Variants in PTPRK observed in about 807,000 individuals in gnomAD.
PTPRK encodes the protein protein tyrosine phosphatase receptor type K, also known as receptor-type tyrosine-protein phosphatase kappa.
PTPRK carries 75 observed loss-of-function variants against 178.0 expected under a neutral mutation model. That is an observed-to-expected ratio of 0.42 (90% confidence interval 0.35 to 0.51). The LOEUF is 0.51. Ranked by LOEUF, PTPRK falls within the 20% of genes least tolerant of loss-of-function variation. The probability of loss-of-function intolerance (pLI) is 0.02; values close to 1 mark genes in which losing one functional copy is unlikely to be tolerated. For missense variants in PTPRK, 1,441 were observed against 1,797.8 expected (o/e 0.80, Z 3.59); for synonymous variants, 637 against 620.6 (o/e 1.03, Z -0.39).
intron 3 of PTPRK, among the ~76,000 whole-genome samples, chr6:128,264,968 G>A (rs1818729348): frequency 6.6e-6 from 1 of 152,138 alleles, no homozygotes. Context: ...CTTCTGCCAT[G>A]ATTGTGAGAT....
intron 1 of PTPRK, among the ~76,000 whole-genome samples, chr6:128,475,126 C>T (rs555795838): frequency 2.0e-4 from 30 of 152,132 alleles, no homozygotes; most frequent in Middle Eastern, 6.8e-3. Context: ...CTGCTTGGGC[C>T]GAATCCTGGC....
At chr6:128,260,543 G>C (rs1370807817) in intron 3 of PTPRK, among the ~76,000 whole-genome samples, 1 of 152,156 alleles carries the variant, frequency 6.6e-6, no homozygotes, top group East Asian at 1.9e-4. Context: ...CCAGAAGGCT[G>C]GGATGGAGAT....
At chr6:128,129,392 T>C (rs1583140859) in intron 7 of PTPRK, among the ~76,000 whole-genome samples, 1 of 152,208 alleles carries the variant, frequency 6.6e-6, no homozygotes, top group East Asian at 1.9e-4. Flanking sequence ...TCTGCTGTTA[T>C]TCCATGATAG....
intron 7 of PTPRK, among the ~76,000 whole-genome samples, chr6:128,172,021 A>G (rs1220914467): frequency 6.6e-6 from 1 of 152,008 alleles, no homozygotes; most frequent in Non-Finnish European, 1.5e-5. Context: ...TTTTCACTAC[A>G]CAACTAATAA....
At chr6:128,353,898 G>A (rs1194532113) in intron 2 of PTPRK, among the ~76,000 whole-genome samples, 1 of 152,120 alleles carries the variant, frequency 6.6e-6, no homozygotes, top group Admixed American at 6.6e-5. Context: ...AATAAGATCA[G>A]GTTCTATCAA....
chr6:128,124,041 TG>T (rs1792916745), intron 7 of PTPRK, among the ~76,000 whole-genome samples: 1 of 150,756 alleles, frequency 6.6e-6, no homozygotes, highest in African/African-American at 2.4e-5. Context: ...CATTAAAACT[TG>T]TTTTTTTTTT....
intron 7 of PTPRK, among the ~76,000 whole-genome samples, chr6:128,098,300 G>A (rs1032588547): frequency 1.3e-5 from 2 of 151,898 alleles, no homozygotes; most frequent in African/African-American, 4.8e-5. Context: ...CACCAAATGG[G>A]GTCTGCTTCC....
intron 3 of PTPRK, among the ~76,000 whole-genome samples, chr6:128,314,965 C>T (rs1827798752): frequency 6.6e-6 from 1 of 151,674 alleles, no homozygotes; most frequent in South Asian, 2.1e-4. Flanking sequence ...GGGTCTCACT[C>T]CAACCCCCCA....
Position 128,184,586 on chromosome 6 carries a change from G to A in PTPRK, c.1008C>T (p.Ser336=), listed in dbSNP as rs533098397. ...KEVEYRMTSG[S]WTETHAVNAP... ...CATTGACTGCATGGGTTTCTGTCCA[G>A]GATCCTGATGTCATTCGGTACTCTA... The change falls in exon 7 of 30, where the codon TCC becomes TCT. Residue 336 remains serine (S), a synonymous_variant. Coordinates refer to ENST00000368226, the MANE Select transcript of PTPRK (RefSeq NM_002844.4). The A allele has an allele frequency of 6.2e-7, 1 of 1,613,992 alleles. No homozygotes were observed. The highest frequency in any genetic ancestry group is 1.7e-5 in the Admixed American group (1 of 59,994).
intron 6 of PTPRK, among the ~76,000 whole-genome samples, chr6:128,188,785 TG>T (rs1030349572): frequency 3.9e-5 from 6 of 152,184 alleles, no homozygotes; most frequent in African/African-American, 1.4e-4. Flanking sequence ...TTCTAACTTC[TG>T]GTGGTGCTGG....
chr6:128,503,349 A>G (rs749518160), intron 1 of PTPRK, among the ~76,000 whole-genome samples: 131 of 152,330 alleles, frequency 8.6e-4, no homozygotes, highest in Admixed American at 1.5e-3. Context: ...GATTTTGCCA[A>G]TTGATGGCCT....
At chr6:128,129,183 C>A (rs549932078) in intron 7 of PTPRK, among the ~76,000 whole-genome samples, 1 of 152,200 alleles carries the variant, frequency 6.6e-6, no homozygotes, top group East Asian at 1.9e-4. Context: ...ACATGTATTT[C>A]TTTTCATTCT....
At chr6:128,364,835 T>C (rs894836479) in intron 2 of PTPRK, among the ~76,000 whole-genome samples, 1 of 152,036 alleles carries the variant, frequency 6.6e-6, no homozygotes, top group Non-Finnish European at 1.5e-5. Context: ...CAAACGCCCA[T>C]GAAGTCTTTA....
intron 13 of PTPRK, among the ~76,000 whole-genome samples, chr6:128,041,072 T>G (rs1157011805): frequency 2.0e-5 from 3 of 152,120 alleles, no homozygotes; most frequent in Admixed American, 1.3e-4. Flanking sequence ...TTTACAAAAT[T>G]TAAGATATTT....
intron 1 of PTPRK, among the ~76,000 whole-genome samples, chr6:128,402,561 T>C (rs183128205): frequency 6.6e-6 from 1 of 152,210 alleles, no homozygotes; most frequent in Non-Finnish European, 1.5e-5. Context: ...CAGAAATTAA[T>C]GCTTTTAAAT....
At chr6:128,399,359 G>A (rs1840732955) in intron 1 of PTPRK, among the ~76,000 whole-genome samples, 3 of 152,274 alleles carry the variant, frequency 2.0e-5, no homozygotes, top group Middle Eastern at 6.8e-3. Context: ...TTTCCAAAAG[G>A]AGAATATGTT....
At chr6:127,992,316 TG>T (rs1422341509) in intron 19 of PTPRK, among the ~76,000 whole-genome samples, 1 of 151,784 alleles carries the variant, frequency 6.6e-6, no homozygotes, top group Admixed American at 6.6e-5. Flanking sequence ...CTAACAAACT[TG>T]CTGCAAGAAG....
chr6:128,183,844 C>CA (rs558415616), intron 7 of PTPRK, among the ~76,000 whole-genome samples: 17 of 152,146 alleles, frequency 1.1e-4, no homozygotes, highest in Middle Eastern at 6.8e-3. Flanking sequence ...TTTCACTACT[C>CA]AGTTTTAGTC....
chr6:128,463,274 C>G (rs1236302761), intron 1 of PTPRK, among the ~76,000 whole-genome samples: 2 of 152,144 alleles, frequency 1.3e-5, no homozygotes, highest in African/African-American at 4.8e-5. Flanking sequence ...GTCCTATATT[C>G]TCTCTGCTTG....
Sources: gnomAD v4.1 joint callset for allele counts (sites outside exome capture counted in the v4.1 genomes callset) on GRCh38, gnomAD v4.1.1 for gene constraint, MANE v1.5 for transcripts, NCBI Gene and HGNC (gene_info 2026-07-23, HGNC 2026-07-21) for gene names.